Variants in SLC5A4 observed in about 807,000 individuals in gnomAD.
SLC5A4 encodes probable glucose sensor protein SLC5A4.
A neutral mutation model predicts 70.3 loss-of-function variants in SLC5A4; 55 were observed. The ratio of observed to expected loss-of-function variants is 0.78; its 90% CI spans 0.63 to 0.98. The LOEUF (loss-of-function observed/expected upper bound fraction) is 0.98. Among genes scored for constraint, SLC5A4 ranks in the 50% least tolerant of loss-of-function variants. SLC5A4 has a pLI of 0.00. For synonymous variants in SLC5A4, 268 were observed against 305.7 expected, an observed-to-expected ratio of 0.88 and a Z score of 1.29; for missense variants, 735 against 839.2, an observed-to-expected ratio of 0.88 and a Z score of 1.53.
At chr22:32,334,243 C>T in the SLC5A4 span, among the ~76,000 whole-genome samples, 1 of 152,166 alleles carries the variant, frequency 6.6e-6, no homozygotes, top group Non-Finnish European at 1.5e-5. Context: ...CAGGACCCAC[C>T]TCTGCCCTCT....
chr22:32,298,347 G>A, the SLC5A4 span, among the ~76,000 whole-genome samples: 1 of 144,956 alleles, frequency 6.9e-6, no homozygotes. Flanking sequence ...CCTGTATTGG[G>A]TGCATATATA....
At chr22:32,342,041 T>C in the SLC5A4 span, among the ~76,000 whole-genome samples, 1 of 152,388 alleles carries the variant, frequency 6.6e-6, no homozygotes, top group Non-Finnish European at 1.5e-5. Flanking sequence ...TGTTCACCAA[T>C]GTATCACCAG....
chr22:32,328,831 G>A, the SLC5A4 span, among the ~76,000 whole-genome samples: 1 of 152,244 alleles, frequency 6.6e-6, no homozygotes, highest in African/African-American at 2.4e-5. Context: ...GGGAGAGGGA[G>A]GATCTTGGAG....
chr22:32,253,145 T>A (rs1465835255), intron 2 of SLC5A4, among the ~76,000 whole-genome samples: 2 of 152,178 alleles, frequency 1.3e-5, no homozygotes, highest in Non-Finnish European at 2.9e-5. Flanking sequence ...GTTGCCCATC[T>A]CCACTTCCCC....
At chr22:32,301,250 C>T in the SLC5A4 span, among the ~76,000 whole-genome samples, 1 of 152,178 alleles carries the variant, frequency 6.6e-6, no homozygotes, top group African/African-American at 2.4e-5. Flanking sequence ...AGTAAGCCGC[C>T]ACGCCCAGCC....
chr22:32,337,655 CAG>C, the SLC5A4 span, among the ~76,000 whole-genome samples: 3 of 152,348 alleles, frequency 2.0e-5, no homozygotes, highest in East Asian at 5.8e-4. Context: ...CACTTATGCA[CAG>C]GGGCAAGCTG....
At chr22:32,310,088 G>T in the SLC5A4 span, among the ~76,000 whole-genome samples, 1 of 150,022 alleles carries the variant, frequency 6.7e-6, no homozygotes, top group African/African-American at 2.5e-5. Context: ...GGATGGGGGG[G>T]GTGGCAGAAG....
At chr22:32,325,530 G>T in the SLC5A4 span, among the ~76,000 whole-genome samples, 10 of 152,248 alleles carry the variant, frequency 6.6e-5, no homozygotes, top group Admixed American at 6.5e-5. Context: ...CCCGGCAGGG[G>T]TGAGTATGGA....
chr22:32,274,257 G>A, the SLC5A4 span, among the ~76,000 whole-genome samples: 1 of 151,976 alleles, frequency 6.6e-6, no homozygotes, highest in African/African-American at 2.4e-5. Context: ...AGCCAGGATG[G>A]TCTCGATCTC....
chr22:32,318,032 C>G, the SLC5A4 span, among the ~76,000 whole-genome samples: 1 of 152,106 alleles, frequency 6.6e-6, no homozygotes, highest in Non-Finnish European at 1.5e-5. Flanking sequence ...TTTCACTCAT[C>G]CTCACAGCAG....
the SLC5A4 span, among the ~76,000 whole-genome samples, chr22:32,293,199 T>C: frequency 6.6e-6 from 1 of 152,136 alleles, no homozygotes; most frequent in African/African-American, 2.4e-5. Context: ...ATAAATAACA[T>C]ATAGTTGGTG....
At chr22:32,336,216 G>A in the SLC5A4 span, among the ~76,000 whole-genome samples, 5 of 152,168 alleles carry the variant, frequency 3.3e-5, no homozygotes, top group East Asian at 1.9e-4. Context: ...AGGATCTCGC[G>A]TCTTCCACAT....
At chr22:32,271,932 C>A in the SLC5A4 span, 1 of 576,414 alleles carries the variant, frequency 1.7e-6, no homozygotes, top group Admixed American at 2.3e-5. Context: ...ACACTGTGCA[C>A]CTGCATCCCA....
chr22:32,284,779 G>T, the SLC5A4 span: 1 of 152,136 alleles, frequency 6.6e-6, no homozygotes, highest in Non-Finnish European at 1.5e-5. Flanking sequence ...GAAATATTGT[G>T]GTAATTGTCT....
chr22:32,241,861 G>GTA (rs1555989988), intron 5 of SLC5A4, among the ~76,000 whole-genome samples: 11,059 of 148,572 alleles, frequency 0.074, 469 homozygotes, highest in African/African-American at 0.096. Flanking sequence ...GTGTGTGTGT[G>GTA]TATATATATG....
chr22:32,251,190 C>T (rs1301674928), intron 3 of SLC5A4, among the ~76,000 whole-genome samples: 1 of 90,152 alleles, frequency 1.1e-5, no homozygotes, highest in South Asian at 4.0e-4. Context: ...AAGAGGAGAA[C>T]ATTCTATACA....
chr22:32,311,909 T>A, the SLC5A4 span, among the ~76,000 whole-genome samples: 2 of 152,126 alleles, frequency 1.3e-5, no homozygotes, highest in African/African-American at 4.8e-5. Context: ...GAGCCTGGAC[T>A]TTGGGTTCCT....
At chr22:32,271,331 C>G in the SLC5A4 span, 1 of 738,042 alleles carries the variant, frequency 1.4e-6, no homozygotes, top group Non-Finnish European at 2.4e-6. Context: ...GAGGAGCTGC[C>G]TCTCTCGTCA....
chr22:32,323,067 C>A, the SLC5A4 span, among the ~76,000 whole-genome samples: 1 of 152,166 alleles, frequency 6.6e-6, no homozygotes, highest in Non-Finnish European at 1.5e-5. Context: ...AACTATAGTT[C>A]GATTTGCTTA....
Sources: allele counts gnomAD v4.1 joint callset (sites outside exome capture counted in the v4.1 genomes callset), GRCh38; gene constraint gnomAD v4.1.1; transcripts MANE v1.5; gene names NCBI Gene and HGNC (gene_info 2026-07-23, HGNC 2026-07-21).